ANO10: variants seen among roughly 807,000 people sequenced by gnomAD.
The protein encoded by ANO10 is anoctamin 10.
Under a neutral mutation model 74.7 loss-of-function variants are expected in ANO10, and 77 were observed. The observed-to-expected ratio is 1.03, with a 90% CI of 0.86 to 1.25. ANO10 has a LOEUF of 1.25. ANO10 is among the 50% of genes most tolerant of loss of function. ANO10 has a pLI of 0.00. For synonymous variants in ANO10, 279 were observed against 284.9 expected (o/e 0.98, Z 0.21); for missense variants, 721 against 778.1 (o/e 0.93, Z 0.87).
At chr3:43,521,309 A>T (rs1484821660) in intron 11 of ANO10, among the ~76,000 whole-genome samples, 1 of 152,228 alleles carries the variant, frequency 6.6e-6, no homozygotes, top group Non-Finnish European at 1.5e-5. Context: ...CACATCACTT[A>T]TCAGGTTGAA....
rs57610515 is a variant in ANO10, at chr3:43,495,520, CAAG to C, written c.1797+54197_1797+54199del. On this transcript the variant is annotated intron_variant, in intron 11 of 12. Transcript: ENST00000292246. Reference sequence around the variant, plus strand: ...AAAATACAAAATTCCTGCAAATTCACAAGAAGAAGATAAACCACACTCAAAAGA... The same window carrying C: ...AAAATACAAAATTCCTGCAAATTCACAAGAAGATAAACCACACTCAAAAGA... Among the ~76,000 whole-genome samples, 55 of 152,186 alleles carry C rather than the reference CAAG, an allele frequency of 3.6e-4. No individual in the cohort carries two copies. In the East Asian group the frequency reaches 9.3e-3, roughly 26 times the overall value.
At chr3:43,518,111 T>C (rs2077789316) in intron 11 of ANO10, among the ~76,000 whole-genome samples, 1 of 152,142 alleles carries the variant, frequency 6.6e-6, no homozygotes, top group African/African-American at 2.4e-5. Flanking sequence ...TCCTATCCTA[T>C]CTGGGCAAGT....
rs190998005 is a variant in ANO10 at position 43,439,381 on chromosome 3, C to A, written c.1798-6654G>T. The stretch of plus-strand genomic sequence containing the variant: ...TACTACAACTGCCTTACACATAATG[C>A]TACAGGCATTCCTTCAAGCAGAAGC... On this transcript the variant is annotated intron_variant, in intron 11 of 12. Transcript: ENST00000292246. Among the ~76,000 whole-genome samples, 8 of 149,908 alleles carry A rather than the reference C, an allele frequency of 5.3e-5. No individual in the cohort carries two copies. In the East Asian group the frequency reaches 1.6e-3, roughly 29 times the overall value.
intron 12 of ANO10, among the ~76,000 whole-genome samples, chr3:43,386,648 C>G (rs1046000286): frequency 3.6e-5 from 5 of 139,892 alleles, no homozygotes; most frequent in African/African-American, 1.4e-4. Flanking sequence ...TAGGTGTGTA[C>G]GTGTGTGTGT....
intron 1 of ANO10, among the ~76,000 whole-genome samples, chr3:43,675,898 C>T (rs2084115256): frequency 6.6e-6 from 1 of 152,026 alleles, no homozygotes; most frequent in Non-Finnish European, 1.5e-5. Flanking sequence ...ATTATATGAC[C>T]CAGCAATTGT....
chr3:43,536,455 AGT>A (rs1398774649), intron 11 of ANO10, among the ~76,000 whole-genome samples: 5 of 152,200 alleles, frequency 3.3e-5, no homozygotes, highest in African/African-American at 1.2e-4. Flanking sequence ...ATTTTGAAAG[AGT>A]GTTAAAACAT....
At chr3:43,517,503 G>T (rs2077759225) in intron 11 of ANO10, among the ~76,000 whole-genome samples, 1 of 152,092 alleles carries the variant, frequency 6.6e-6, no homozygotes, top group Non-Finnish European at 1.5e-5. Flanking sequence ...TAAGGGTGGG[G>T]CCATGATATG....
At chr3:43,473,178 C>G (rs964646165) in intron 11 of ANO10, among the ~76,000 whole-genome samples, 3 of 151,886 alleles carry the variant, frequency 2.0e-5, no homozygotes, top group Non-Finnish European at 4.4e-5. Flanking sequence ...AGCTGTTTTC[C>G]TACTAGACAG....
At chr3:43,475,439 G>C (rs1190793390) in intron 11 of ANO10, among the ~76,000 whole-genome samples, 2 of 151,880 alleles carry the variant, frequency 1.3e-5, no homozygotes, top group African/African-American at 2.4e-5. Flanking sequence ...TATTTAACTT[G>C]ACTGAATTTC....
chr3:43,446,256 T>C (rs1040035417), intron 11 of ANO10, among the ~76,000 whole-genome samples: 1 of 152,208 alleles, frequency 6.6e-6, no homozygotes, highest in Non-Finnish European at 1.5e-5. Flanking sequence ...TTGTTGAACT[T>C]ATCAGCAATA....
chr3:43,671,961 T>C (rs1190118394), intron 1 of ANO10, among the ~76,000 whole-genome samples: 3 of 152,204 alleles, frequency 2.0e-5, no homozygotes, highest in Non-Finnish European at 2.9e-5. Context: ...AAAAAGTCTT[T>C]ATAAACTAAT....
At chr3:43,404,903 A>G (rs1406012691) in intron 12 of ANO10, among the ~76,000 whole-genome samples, 1 of 151,446 alleles carries the variant, frequency 6.6e-6, no homozygotes, top group East Asian at 1.9e-4. Context: ...AAACCACCAA[A>G]AAACAGAAAG....
At chr3:43,651,206 CAA>C (rs879877284) in intron 1 of ANO10, among the ~76,000 whole-genome samples, 19 of 152,262 alleles carry the variant, frequency 1.2e-4, no homozygotes, top group African/African-American at 4.3e-4. Flanking sequence ...CTATTCAACC[CAA>C]GTCTACAAAT....
Position 43,432,633 on chromosome 3 carries a change from G to C in ANO10, c.1892C>G (p.Ser631Cys), listed in dbSNP as rs763751555. ...CACCTGCTGCTTGAGTGCCTCCAAA[G>C]ACTCAAATTCCAGTCTGGCTAGTTT... The part of the protein sequence containing the change: ...QMKLARLEFE[S>C]LEALKQQQMK... The change falls in exon 12 of 13, where the codon TCT (serine) becomes TGT (cysteine). Residue 631 changes from serine (S) to cysteine (C), a missense_variant. Ser to Cys is a moderately radical substitution (Grantham distance 112). Transcript: ENST00000292246. 6.2e-7 allele frequency: 1 copy of C among 1,613,320 alleles called. No individual in the cohort carries two copies. Among genetic ancestry groups the C allele is most frequent in the African/African-American group, 1.3e-5 (1 of 74,878 alleles).
intron 4 of ANO10, among the ~76,000 whole-genome samples, chr3:43,581,938 G>GA (rs559442226): frequency 5.2e-4 from 70 of 134,548 alleles, no homozygotes; most frequent in Middle Eastern, 3.8e-3. Flanking sequence ...AAAAAAAAAA[G>GA]AAAAAAAAAA....
In ANO10 at chr3:43,571,832, T is replaced by TA. The variant is rs372868462; in HGVS notation, c.1218+2976dup. ...CACATGTACCCTAAAACTTAAAGTA[T>TA]AAAAAAAAAAAAGAAGTATTTTCCT... On this transcript the variant is annotated intron_variant, in intron 7 of 12. Coordinates refer to ENST00000292246, the MANE Select transcript of ANO10 (RefSeq NM_018075.5). 2.3e-3 allele frequency among the ~76,000 whole-genome samples: 115 copies of TA among 48,996 alleles called. 1 individual carries two copies. The highest frequency in any genetic ancestry group is 0.017 in the Middle Eastern group (1 of 60). The allele number at this position is 48,996 out of a possible 152,430, so 32.1% of individuals were successfully genotyped here.
chr3:43,409,245 C>T (rs746640205), intron 12 of ANO10, among the ~76,000 whole-genome samples: 1 of 151,928 alleles, frequency 6.6e-6, no homozygotes, highest in Non-Finnish European at 1.5e-5. Flanking sequence ...GAAGCTGTGC[C>T]GTTAGGAAAT....
intron 8 of ANO10, among the ~76,000 whole-genome samples, chr3:43,563,820 G>A (rs1479897117): frequency 3.3e-5 from 5 of 152,100 alleles, no homozygotes; most frequent in African/African-American, 1.2e-4. Context: ...TAGAGATAGA[G>A]TGGGACGACG....
intron 11 of ANO10, among the ~76,000 whole-genome samples, chr3:43,530,481 A>G (rs2078412505): frequency 6.7e-6 from 1 of 150,028 alleles, no homozygotes; most frequent in African/African-American, 2.4e-5. Flanking sequence ...GGTTTTCTAT[A>G]TATGCATACA....
Sources: allele counts gnomAD v4.1 joint callset (sites outside exome capture counted in the v4.1 genomes callset), GRCh38; gene constraint gnomAD v4.1.1; transcripts MANE v1.5; gene names NCBI Gene and HGNC (gene_info 2026-07-23, HGNC 2026-07-21).